The following HIPK2 variants were observed in gnomAD, a reference collection of about 807,000 sequenced individuals.
HIPK2 encodes the protein homeodomain-interacting protein kinase 2.
Under a neutral mutation model 113.7 loss-of-function variants are expected in HIPK2, and 27 were observed. The observed-to-expected ratio is 0.24, with a 90% confidence interval of 0.17 to 0.33. HIPK2 has a LOEUF of 0.33. Among genes scored for constraint, HIPK2 ranks in the 10% least tolerant of loss-of-function variants. The probability of loss-of-function intolerance (pLI) is 1.00; values close to 1 mark genes in which losing one functional copy is unlikely to be tolerated. For synonymous variants in HIPK2, 631 were observed against 642.2 expected, an observed-to-expected ratio of 0.98 and a Z score of 0.26; for missense variants, 1,257 against 1,588.0, an observed-to-expected ratio of 0.79 and a Z score of 3.54.
intron 1 of HIPK2, among the ~76,000 whole-genome samples, chr7:139,743,144 A>G (rs1796133089): frequency 6.6e-6 from 1 of 152,098 alleles, no homozygotes; most frequent in South Asian, 2.1e-4. Flanking sequence ...TTTGTTGGGG[A>G]GGAACAGGGG....
In HIPK2 at chr7:139,683,338, T is replaced by G. The variant is rs1486303193; in HGVS notation, c.1103+32594A>C. On this transcript the variant is annotated intron_variant, in intron 2 of 14. Transcript: ENST00000406875. The surrounding 1 kb of genome is among the most constrained non-coding windows in gnomAD (Gnocchi z 4.2). ...CTTCATGGTTGCTCTAGGCCAGTGC[T>G]TCAGCAGCGGCCTAGCCGGGTCTGG... is the stretch of plus-strand genomic sequence containing the variant. Among the ~76,000 whole-genome samples the G allele has an allele frequency of 6.6e-6, 1 of 152,224 alleles. No individual in the cohort carries two copies. The highest frequency in any genetic ancestry group is 2.1e-4 in the South Asian group (1 of 4,832).
At position 139,631,570 on chromosome 7, in the gene HIPK2, G is replaced by C; in HGVS notation, c.1227+32C>G. Reference sequence around the variant, plus strand: ...GGCTATTTTCCAGATGAAGAATGAGGTCTTGTGAATATCTGTGTCATCTGG... The same window carrying C: ...GGCTATTTTCCAGATGAAGAATGAGCTCTTGTGAATATCTGTGTCATCTGG... On this transcript the variant is annotated intron_variant, in intron 3 of 14. Coordinates refer to ENST00000406875, the MANE Select transcript of HIPK2 (RefSeq NM_022740.5). The surrounding 1 kb of genome is among the most constrained non-coding windows in gnomAD (Gnocchi z 4.9). 2 of 1,604,228 alleles carry C rather than the reference G, an allele frequency of 1.2e-6. No homozygotes were observed. Among genetic ancestry groups the C allele is most frequent in the Non-Finnish European group, 1.7e-6 (2 of 1,175,230 alleles).
chr7:139,705,618 C>A (rs1794869573), intron 2 of HIPK2, among the ~76,000 whole-genome samples: 1 of 151,994 alleles, frequency 6.6e-6, no homozygotes, highest in Admixed American at 6.5e-5. Flanking sequence ...ACCTCGTGAT[C>A]CGCCCGCCTC....
intron 2 of HIPK2, among the ~76,000 whole-genome samples, chr7:139,651,895 C>T (rs1277848110): frequency 6.6e-6 from 1 of 152,176 alleles, no homozygotes; most frequent in East Asian, 1.9e-4. Context: ...TATAAGACCT[C>T]CGTGGAGAGG....
At position 139,586,850 on chromosome 7, in the gene HIPK2, G is replaced by GT. The variant is rs539565193; in HGVS notation, c.2718-2787dup. 2.3e-3 allele frequency among the ~76,000 whole-genome samples: 347 copies of GT among 152,178 alleles called. 1 individual carries two copies. Among genetic ancestry groups the GT allele is most frequent in the Non-Finnish European group, 4.0e-3 (270 of 68,016 alleles). ...CCAGACACAAAAGGACAAATAGTTT[G>GT]TTTGAGTCTACATATATGAAATATC... On this transcript the variant is annotated intron_variant, in intron 12 of 14. Coordinates refer to ENST00000406875, the MANE Select transcript of HIPK2 (RefSeq NM_022740.5).
intron 1 of HIPK2, among the ~76,000 whole-genome samples, chr7:139,766,778 A>C (rs1354661139): frequency 2.0e-5 from 3 of 152,224 alleles, no homozygotes; most frequent in Non-Finnish European, 4.4e-5. Flanking sequence ...TAAATGGAGA[A>C]AATCATAGAG....
rs2116409528 is a variant in HIPK2, at chr7:139,567,978, GCCT to G, written c.*4946_*4948del. On this transcript the variant is annotated 3_prime_UTR_variant, in exon 15 of 15. Coordinates refer to ENST00000406875, the MANE Select transcript of HIPK2 (RefSeq NM_022740.5). ...TGAGCCATCAGTAATACTTCCCGAA[GCCT>G]CCTCATCTCCTCCCTCCAGTTTCCA... 6.6e-6 allele frequency: 1 copy of G among 152,414 alleles called. No individual in the cohort carries two copies. The highest frequency in any genetic ancestry group is 2.1e-4 in the South Asian group (1 of 4,826). 9.4% of individuals were successfully genotyped at this position (152,414 alleles called of 1,614,324 possible).
intron 9 of HIPK2, among the ~76,000 whole-genome samples, chr7:139,612,534 T>C (rs1164994819): frequency 1.3e-5 from 2 of 152,204 alleles, no homozygotes; most frequent in Non-Finnish European, 2.9e-5. Flanking sequence ...TACTGTGGCA[T>C]TGTGGGGATT....
intron 1 of HIPK2, among the ~76,000 whole-genome samples, chr7:139,775,686 G>A (rs778914889): frequency 6.6e-6 from 1 of 152,088 alleles, no homozygotes; most frequent in Non-Finnish European, 1.5e-5. Context: ...TTCTTAAACC[G>A]TAACACCCTA....
intron 2 of HIPK2, among the ~76,000 whole-genome samples, chr7:139,713,873 G>A (rs575833748): frequency 6.6e-6 from 1 of 152,326 alleles, no homozygotes; most frequent in South Asian, 2.1e-4. Flanking sequence ...GGCTTTCAGA[G>A]GCCCAGGCAC....
chr7:139,599,426 A>G (rs538115230), intron 11 of HIPK2, among the ~76,000 whole-genome samples: 1 of 152,262 alleles, frequency 6.6e-6, no homozygotes, highest in African/African-American at 2.4e-5. Flanking sequence ...GCAAGCCCTA[A>G]TCGGATCTCT....
In HIPK2 at chr7:139,600,513, G is replaced by A. The variant is rs1440168346; in HGVS notation, c.2339C>T (p.Ala780Val). ...GGCCACACCCACATTTAAGGGCTGT[G>A]CTGCTGGAAGGGTCACATGACCGGT... ...LLTGHVTLPA[A>V]QPLNVGVAHV... The change falls in exon 11 of 15, where the codon GCA (alanine) becomes GTA (valine). Residue 780 changes from alanine (A) to valine (V), a missense_variant. This residue lies in a region of HIPK2 where 862 missense variants were observed against 1,004.3 expected (regional missense o/e 0.86). Coordinates refer to ENST00000406875, the MANE Select transcript of HIPK2 (RefSeq NM_022740.5). 1 of 1,614,060 alleles carries A rather than the reference G, an allele frequency of 6.2e-7. No homozygotes were observed. Among genetic ancestry groups the A allele is most frequent in the East Asian group, 2.2e-5 (1 of 44,888 alleles).
At chr7:139,690,620 G>A (rs1422404776) in intron 2 of HIPK2, among the ~76,000 whole-genome samples, 1 of 151,990 alleles carries the variant, frequency 6.6e-6, no homozygotes, top group Non-Finnish European at 1.5e-5. Flanking sequence ...AGACCAGCCT[G>A]GGCAACATAG....
chr7:139,665,589 T>TCCAG (rs1339757021), intron 2 of HIPK2, among the ~76,000 whole-genome samples: 4 of 151,602 alleles, frequency 2.6e-5, no homozygotes, highest in African/African-American at 9.7e-5. Flanking sequence ...CATCCATCCA[T>TCCAG]CCATCCATCC....
At chr7:139,649,432 G>T (rs1215314246) in intron 2 of HIPK2, among the ~76,000 whole-genome samples, 2 of 152,160 alleles carry the variant, frequency 1.3e-5, no homozygotes, top group Admixed American at 1.3e-4. Flanking sequence ...TTTCCTAGGG[G>T]AAAACACACT....
At chr7:139,624,925 G>C (rs1313034389) in intron 6 of HIPK2, among the ~76,000 whole-genome samples, 1 of 152,110 alleles carries the variant, frequency 6.6e-6, no homozygotes, top group Non-Finnish European at 1.5e-5. Context: ...GTATTTCTCT[G>C]GTCAGTTTGC....
intron 6 of HIPK2, among the ~76,000 whole-genome samples, chr7:139,625,173 T>A (rs749615947): frequency 1.3e-5 from 2 of 152,108 alleles, no homozygotes; most frequent in Non-Finnish European, 2.9e-5. Flanking sequence ...TTAAAAACAA[T>A]CCCCTTGACC....
In HIPK2 at chr7:139,745,060, G is replaced by T. The variant is rs1323104801; in HGVS notation, c.20-28045C>A. Among the ~76,000 whole-genome samples, 3 of 152,206 alleles carry T rather than the reference G, an allele frequency of 2.0e-5. No homozygotes were observed. In the East Asian group the frequency reaches 5.8e-4, roughly 29 times the overall value. On this transcript the variant is annotated intron_variant, in intron 1 of 14. Transcript: ENST00000406875. ...ACAGTCACCCTCTCATTTTACAGAA[G>T]ACAAGCTGGCGTATTGTTCACTGCA...
At chr7:139,653,257 G>A (rs1432569845) in intron 2 of HIPK2, among the ~76,000 whole-genome samples, 1 of 151,868 alleles carries the variant, frequency 6.6e-6, no homozygotes, top group Non-Finnish European at 1.5e-5. Context: ...TGTCATCCTC[G>A]ATGCTAACTC....
Sources: gnomAD v4.1 joint callset for allele counts (sites outside exome capture counted in the v4.1 genomes callset) on GRCh38, gnomAD v4.1.1 for gene constraint, gnomAD v4.1.1 regional missense constraint, Gnocchi (gnomAD v3.1) non-coding constraint, MANE v1.5 for transcripts, NCBI Gene and HGNC (gene_info 2026-07-23, HGNC 2026-07-21) for gene names.